The following NEGR1 variants were observed in gnomAD, a reference collection of about 807,000 sequenced individuals.
NEGR1 encodes IgLON family member 4.
In NEGR1, 10 loss-of-function variants were observed where a neutral mutation model predicts 40.9. The observed-to-expected ratio is 0.24, with a 90% CI of 0.15 to 0.42. NEGR1 has a LOEUF of 0.42. Ranked by LOEUF, NEGR1 falls within the 10% of genes least tolerant of loss-of-function variation. The probability of loss-of-function intolerance (pLI) is 1.00; values close to 1 mark genes in which losing one functional copy is unlikely to be tolerated. For synonymous variants in NEGR1, 185 were observed against 166.8 expected, an observed-to-expected ratio of 1.11 and a Z score of -0.84; for missense variants, 352 against 438.9, an observed-to-expected ratio of 0.80 and a Z score of 1.77.
intron 1 of NEGR1, among the ~76,000 whole-genome samples, chr1:72,141,002 T>C (rs906481944): frequency 6.6e-6 from 1 of 152,044 alleles, no homozygotes; most frequent in African/African-American, 2.4e-5. Context: ...AGATTAGAGA[T>C]GTAAACCCTG....
intron 6 of NEGR1, among the ~76,000 whole-genome samples, chr1:71,423,711 A>G (rs1235421050): frequency 1.3e-5 from 2 of 152,136 alleles, no homozygotes; most frequent in Admixed American, 6.5e-5. Flanking sequence ...CAATCACATT[A>G]TAATTATCAA....
intron 1 of NEGR1, among the ~76,000 whole-genome samples, chr1:72,150,895 A>G (rs1451654162): frequency 6.6e-6 from 1 of 152,170 alleles, no homozygotes; most frequent in African/African-American, 2.4e-5. Context: ...CATAATCACA[A>G]TCTTCCTGAC....
At position 72,138,236 on chromosome 1, in the gene NEGR1, T is replaced by TA. The variant is rs1375587097; in HGVS notation, c.176+144082dup. ...TAGTTCATACAACTAATTATTTTTT[T>TA]AAAAAACAATTAAAATGTAACAATA... On this transcript the variant is annotated intron_variant, in intron 1 of 6. Coordinates refer to ENST00000357731, the MANE Select transcript of NEGR1 (RefSeq NM_173808.3). 4.0e-5 allele frequency among the ~76,000 whole-genome samples: 6 copies of TA among 151,560 alleles called. No homozygotes were observed. In the East Asian group the frequency reaches 1.2e-3, roughly 30 times the overall value.
intron 1 of NEGR1, among the ~76,000 whole-genome samples, chr1:72,206,900 G>T (rs1653423403): frequency 1.3e-5 from 2 of 151,718 alleles, no homozygotes; most frequent in South Asian, 2.1e-4. Flanking sequence ...AGATTGCAGT[G>T]GTATGAAAAG....
chr1:72,084,582 G>A (rs1021173020), intron 1 of NEGR1, among the ~76,000 whole-genome samples: 1 of 152,114 alleles, frequency 6.6e-6, no homozygotes, highest in Non-Finnish European at 1.5e-5. Flanking sequence ...TTTTTGTCTA[G>A]TTTGTTCATG....
At chr1:72,126,091 A>ATGTGTGTGTGTG (rs67552146) in intron 1 of NEGR1, among the ~76,000 whole-genome samples, 12 of 146,718 alleles carry the variant, frequency 8.2e-5, no homozygotes, top group African/African-American at 2.3e-4. Flanking sequence ...AGAGAAAAGT[A>ATGTGTGTGTGTG]TGTGTGTGTG....
intron 4 of NEGR1, among the ~76,000 whole-genome samples, chr1:71,622,463 T>C (rs558202145): frequency 1.3e-5 from 2 of 152,094 alleles, no homozygotes; most frequent in East Asian, 3.9e-4. Flanking sequence ...AAATTATTTT[T>C]AGTGAATCTT....
chr1:71,929,540 T>C (rs1645834810), intron 2 of NEGR1, among the ~76,000 whole-genome samples: 1 of 152,180 alleles, frequency 6.6e-6, no homozygotes, highest in Non-Finnish European at 1.5e-5. Flanking sequence ...AGTCTTGTCA[T>C]GAGCCATTAT....
intron 1 of NEGR1, among the ~76,000 whole-genome samples, chr1:72,023,645 T>C (rs1457916916): frequency 3.0e-5 from 4 of 133,680 alleles, no homozygotes; most frequent in Admixed American, 7.9e-5. Flanking sequence ...TTTAAAACAT[T>C]TTAGTAAAAA....
chr1:71,730,143 A>G (rs1033322800), intron 3 of NEGR1, among the ~76,000 whole-genome samples: 26 of 131,072 alleles, frequency 2.0e-4, no homozygotes, highest in Admixed American at 1.9e-3. Context: ...AGAAGATACA[A>G]ACAACCTTGA....
intron 5 of NEGR1, among the ~76,000 whole-genome samples, chr1:71,600,611 C>A (rs979554455): frequency 1.3e-5 from 2 of 152,070 alleles, no homozygotes; most frequent in Non-Finnish European, 2.9e-5. Flanking sequence ...AGAGAGAGCT[C>A]ATATCAAAGT....
intron 2 of NEGR1, among the ~76,000 whole-genome samples, chr1:71,793,792 G>T (rs1383443908): frequency 6.6e-6 from 1 of 151,842 alleles, no homozygotes; most frequent in Admixed American, 6.6e-5. Flanking sequence ...CAGATTTAAG[G>T]ATATGTATAT....
At chr1:72,100,591 A>G (rs1191150388) in intron 1 of NEGR1, among the ~76,000 whole-genome samples, 1 of 152,190 alleles carries the variant, frequency 6.6e-6, no homozygotes, top group Non-Finnish European at 1.5e-5. Flanking sequence ...GTAATGTGGC[A>G]TAGTTTTCAT....
chr1:71,643,763 C>T (rs1387892743), intron 4 of NEGR1, among the ~76,000 whole-genome samples: 1 of 151,984 alleles, frequency 6.6e-6, no homozygotes, highest in African/African-American at 2.4e-5. Context: ...AGAAATAATC[C>T]AGACTCATCT....
chr1:72,027,778 T>A (rs1316956565), intron 1 of NEGR1, among the ~76,000 whole-genome samples: 1 of 152,308 alleles, frequency 6.6e-6, no homozygotes, highest in East Asian at 1.9e-4. Context: ...TATCTCTAAA[T>A]CCTTGCTACT....
intron 1 of NEGR1, among the ~76,000 whole-genome samples, chr1:72,191,755 T>C (rs1652827001): frequency 6.6e-6 from 1 of 151,242 alleles, no homozygotes; most frequent in African/African-American, 2.4e-5. Flanking sequence ...AAAAAGAGCA[T>C]CACAGGAGAA....
chr1:71,771,667 C>G (rs1656328786), intron 3 of NEGR1, among the ~76,000 whole-genome samples: 1 of 103,796 alleles, frequency 9.6e-6, no homozygotes, highest in Non-Finnish European at 1.8e-5. Context: ...CCATTGCACT[C>G]CAGCCTGGGT....
In NEGR1 at chr1:72,223,205, T is replaced by C. The variant is rs373646512; in HGVS notation, c.176+59114A>G. On this transcript the variant is annotated intron_variant, in intron 1 of 6. Transcript: ENST00000357731. ...GAGCAAAACACAAGTCATCCTGTTT[T>C]ACCAGTTCCACATTTATGACCTACA... 7.3e-4 allele frequency among the ~76,000 whole-genome samples: 111 copies of C among 152,316 alleles called. No homozygotes were observed. The South Asian group carries it at 0.022, about 30-fold the overall frequency.
intron 4 of NEGR1, among the ~76,000 whole-genome samples, chr1:71,629,184 T>C (rs1447052673): frequency 6.6e-6 from 1 of 152,156 alleles, no homozygotes; most frequent in Non-Finnish European, 1.5e-5. Context: ...TTTTTTCATA[T>C]GTTTGTTGGC....
Sources: allele counts gnomAD v4.1 joint callset (sites outside exome capture counted in the v4.1 genomes callset), GRCh38; gene constraint gnomAD v4.1.1; transcripts MANE v1.5; gene names NCBI Gene and HGNC (gene_info 2026-07-23, HGNC 2026-07-21).